NRM: variants seen among roughly 807,000 people sequenced by gnomAD.
NRM encodes the protein nuclear rim protein.
A neutral mutation model predicts 23.4 loss-of-function variants in NRM; 19 were observed. The ratio of observed to expected loss-of-function variants is 0.81; its 90% CI spans 0.57 to 1.19. NRM has a LOEUF of 1.19. Among genes scored for constraint, NRM ranks in the 50% most tolerant of loss-of-function variants. NRM has a pLI of 0.00. For missense variants in NRM, 232 were observed against 329.7 expected, an observed-to-expected ratio of 0.70 and a Z score of 2.30; for synonymous variants, 140 against 143.5, an observed-to-expected ratio of 0.98 and a Z score of 0.17.
chr6:30,689,251 A>G lies in NRM; in HGVS notation c.507+25T>C, dbSNP rs1452918170. On this transcript the variant is annotated intron_variant, in intron 3 of 3. Coordinates refer to ENST00000376421, the MANE Select transcript of NRM (RefSeq NM_001384369.1). This position sits in a 1 kb window ranked among gnomAD's most constrained non-coding sequence, Gnocchi z 4.7. ...GGAGTTCTAAAATGGGTCAGAGGTC[A>G]TAGGTAGGGATCTCGGAGCCTCACC... 6.5e-7 allele frequency: 1 copy of G among 1,547,160 alleles called. No homozygotes were observed.
rs1771315972 is a variant in NRM at position 30,689,265 on chromosome 6, C to T, written c.507+11G>A. On this transcript the variant is annotated intron_variant, in intron 3 of 3. Coordinates refer to ENST00000376421, the MANE Select transcript of NRM (RefSeq NM_001384369.1). This position sits in a 1 kb window ranked among gnomAD's most constrained non-coding sequence, Gnocchi z 4.7. ...GGTCAGAGGTCATAGGTAGGGATCTCGGAGCCTCACCTGTTTGAGGCCCAT... is the reference window on the plus strand; with the variant it reads ...GGTCAGAGGTCATAGGTAGGGATCTTGGAGCCTCACCTGTTTGAGGCCCAT... 17 of 1,550,852 alleles carry T rather than the reference C, an allele frequency of 1.1e-5. No individual in the cohort carries two copies. The highest frequency in any genetic ancestry group is 1.4e-5 in the Non-Finnish European group (16 of 1,146,466).
chr6:30,688,781 G>A lies in NRM; in HGVS notation c.669C>T (p.Leu223=). 1.9e-6 allele frequency: 3 copies of A among 1,613,792 alleles called. No homozygotes were observed. Among genetic ancestry groups the A allele is most frequent in the Non-Finnish European group, 2.5e-6 (3 of 1,179,964 alleles). ...GAGCCAGGCCCAGGTAGAGGGTAAG[G>A]AGGAAAGCAAGGAGGAGACGGTCCG... The part of the protein sequence containing the change: ...LGTDRLLLAF[L]LTLYLGLAHG... Residue 223 remains leucine (L), a synonymous_variant, in exon 4 of 4, where the codon CTC becomes CTT. Coordinates refer to ENST00000376421, the MANE Select transcript of NRM (RefSeq NM_001384369.1). This position sits in a 1 kb window ranked among gnomAD's most constrained non-coding sequence, Gnocchi z 5.9.
In NRM at chr6:30,690,364, C is replaced by T. The variant is rs1227741427; in HGVS notation, c.134-121G>A. On this transcript the variant is annotated intron_variant, in intron 1 of 3. Transcript: ENST00000376421. The surrounding 1 kb of genome is among the most constrained non-coding windows in gnomAD (Gnocchi z 5.5). The stretch of plus-strand genomic sequence containing the variant: ...CTTACTGCTTTCAAGAGCCTTAATG[C>T]TTCCTCTCTAGGCTGTGCCCATCTC... The T allele has an allele frequency of 1.9e-6, 2 of 1,074,622 alleles. No individual in the cohort carries two copies. Among genetic ancestry groups the T allele is most frequent in the Non-Finnish European group, 2.6e-6 (2 of 760,000 alleles). The allele number at this position is 1,074,622 out of a possible 1,614,324, so 66.6% of individuals were successfully genotyped here. A position where few individuals can be genotyped will look rare whatever the true frequency, so the allele number is the denominator to read the frequency against.
chr6:30,689,574 C>T lies in NRM; in HGVS notation c.331-122G>A, dbSNP rs1033084688. On this transcript the variant is annotated intron_variant, in intron 2 of 3. Coordinates refer to ENST00000376421, the MANE Select transcript of NRM (RefSeq NM_001384369.1). This position sits in a 1 kb window ranked among gnomAD's most constrained non-coding sequence, Gnocchi z 4.7. Reference sequence around the variant, plus strand: ...AACTCTCCCCCACCTCTCTCCTAAGCATCACCACCAAATATTCACCATGTG... The same window carrying T: ...AACTCTCCCCCACCTCTCTCCTAAGTATCACCACCAAATATTCACCATGTG... 41 of 974,686 alleles carry T rather than the reference C, an allele frequency of 4.2e-5. No individual in the cohort carries two copies. The highest frequency in any genetic ancestry group is 5.2e-5 in the Non-Finnish European group (35 of 671,018). The allele number at this position is 974,686 out of a possible 1,614,324, so 60.4% of individuals were successfully genotyped here.
rs141319358 is a variant in NRM at position 30,689,598 on chromosome 6, T to G, written c.331-146A>C. ...GCATCACCACCAAATATTCACCATG[T>G]GGAGGGTGCGTGCTGGGTGAGGTCC... is the stretch of plus-strand genomic sequence containing the variant. On this transcript the variant is annotated intron_variant, in intron 2 of 3. Transcript: ENST00000376421. This position sits in a 1 kb window ranked among gnomAD's most constrained non-coding sequence, Gnocchi z 4.7. 1 of 818,590 alleles carries G rather than the reference T, an allele frequency of 1.2e-6. No homozygotes were observed. Among genetic ancestry groups the G allele is most frequent in the Non-Finnish European group, 1.9e-6 (1 of 531,918 alleles). 50.7% of individuals were successfully genotyped at this position (818,590 alleles called of 1,614,324 possible). A position where few individuals can be genotyped will look rare whatever the true frequency, so the allele number is the denominator to read the frequency against.
Position 30,688,942 on chromosome 6 carries a change from C to G in NRM, c.508G>C (p.Val170Leu). Residue 170 changes from valine (V) to leucine (L), a missense_variant and splice_region_variant, in exon 4 of 4, where the codon GTA becomes CTA. Physicochemically the swap from Val to Leu is conservative, Grantham distance 32. Coordinates refer to ENST00000376421, the MANE Select transcript of NRM (RefSeq NM_001384369.1). The surrounding 1 kb of genome is among the most constrained non-coding windows in gnomAD (Gnocchi z 5.9). ...DYAELMGLKQVYYHVLGLGEP... is the reference protein window; with the variant it reads ...DYAELMGLKQLYYHVLGLGEP... Reference sequence around the variant, plus strand: ...CCCAGCCCCAGCACATGGTAGTATACCTAAGAGAGGGAGAAGAGCTTAGAA... The same window carrying G: ...CCCAGCCCCAGCACATGGTAGTATAGCTAAGAGAGGGAGAAGAGCTTAGAA... The G allele has an allele frequency of 2.5e-6, 4 of 1,609,364 alleles. No homozygotes were observed. The highest frequency in any genetic ancestry group is 3.4e-6 in the Non-Finnish European group (4 of 1,177,788).
chr6:30,691,180 C>T (rs1282616906), upstream of NRM: 3 of 550,846 alleles, frequency 5.4e-6, no homozygotes, highest in African/African-American at 3.8e-5. Context: ...GCTGTCTCTC[C>T]GTCACAGAAG....
Position 30,688,960 on chromosome 6 carries a change from G to C in NRM, c.508-18C>G. Reference sequence around the variant, plus strand: ...TAGTATACCTAAGAGAGGGAGAAGAGCTTAGAAATGGAGTCAAGCCCTTTT... The same window carrying C: ...TAGTATACCTAAGAGAGGGAGAAGACCTTAGAAATGGAGTCAAGCCCTTTT... On this transcript the variant is annotated intron_variant, in intron 3 of 3. Coordinates refer to ENST00000376421, the MANE Select transcript of NRM (RefSeq NM_001384369.1). The surrounding 1 kb of genome is among the most constrained non-coding windows in gnomAD (Gnocchi z 5.9). 2 of 1,602,054 alleles carry C rather than the reference G, an allele frequency of 1.2e-6. No homozygotes were observed. The highest frequency in any genetic ancestry group is 1.7e-6 in the Non-Finnish European group (2 of 1,173,700).
chr6:30,688,437 C>G lies in NRM; in HGVS notation c.*224G>C. 1.7e-6 allele frequency: 1 copy of G among 603,912 alleles called. No individual in the cohort carries two copies. Among genetic ancestry groups the G allele is most frequent in the African/African-American group, 1.9e-5 (1 of 53,878 alleles). 37.4% of individuals were successfully genotyped at this position (603,912 alleles called of 1,614,324 possible). ...GAAGGGACAGATGACTTCCATACCCCACTCTTCCTTGCTGGTGAGAAGTGG... is the reference window on the plus strand; with the variant it reads ...GAAGGGACAGATGACTTCCATACCCGACTCTTCCTTGCTGGTGAGAAGTGG... On this transcript the variant is annotated 3_prime_UTR_variant, in exon 4 of 4. Coordinates refer to ENST00000376421, the MANE Select transcript of NRM (RefSeq NM_001384369.1). The surrounding 1 kb of genome is among the most constrained non-coding windows in gnomAD (Gnocchi z 5.9).
Position 30,689,915 on chromosome 6 carries a change from T to G in NRM, c.330+132A>C. The stretch of plus-strand genomic sequence containing the variant: ...ATATGTGCTGTGGAGGAATGGAAGC[T>G]GAGATTAGTTCCTCAATTCTCCTCC... On this transcript the variant is annotated intron_variant, in intron 2 of 3. Transcript: ENST00000376421. The surrounding 1 kb of genome is among the most constrained non-coding windows in gnomAD (Gnocchi z 4.7). 5.6e-5 allele frequency: 44 copies of G among 791,550 alleles called. No individual in the cohort carries two copies. Among genetic ancestry groups the G allele is most frequent in the Non-Finnish European group, 7.6e-5 (38 of 499,738 alleles). The allele number at this position is 791,550 out of a possible 1,614,324, so 49.0% of individuals were successfully genotyped here.
Position 30,689,396 on chromosome 6 carries a change from C to A in NRM, c.387G>T (p.Arg129=). 6.4e-7 allele frequency: 1 copy of A among 1,569,172 alleles called. No homozygotes were observed. Among genetic ancestry groups the A allele is most frequent in the Non-Finnish European group, 8.6e-7 (1 of 1,157,188 alleles). Residue 129 remains arginine, a synonymous_variant, in exon 3 of 4, where the codon CGG becomes CGT. Transcript: ENST00000376421. The surrounding 1 kb of genome is among the most constrained non-coding windows in gnomAD (Gnocchi z 4.7). Reference sequence around the variant, plus strand: ...GCACCCAGGTGGCCCATGGCTCAGCCCGAGCCTCCCACAACACAGGGCCTT... The same window carrying A: ...GCACCCAGGTGGCCCATGGCTCAGCACGAGCCTCCCACAACACAGGGCCTT... The part of the protein sequence containing the change: ...IPKGPVLWEA[R]AEPWATWVPL...
Position 30,688,917 on chromosome 6 carries a change from C to T in NRM, c.533G>A (p.Gly178Asp). The T allele has an allele frequency of 6.2e-7, 1 of 1,613,136 alleles. No individual in the cohort carries two copies. Among genetic ancestry groups the T allele is most frequent in the Non-Finnish European group, 8.5e-7 (1 of 1,179,866 alleles). ...KQVYYHVLGLGEPLALKSPRA... is the reference protein window; with the variant it reads ...KQVYYHVLGLDEPLALKSPRA... ...GGGAGACTTCAGGGCCAGAGGCTCG[C>T]CCAGCCCCAGCACATGGTAGTATAC... Residue 178 changes from glycine to aspartate, a missense_variant, in exon 4 of 4, where the codon GGC becomes GAC. Coordinates refer to ENST00000376421, the MANE Select transcript of NRM (RefSeq NM_001384369.1). This position sits in a 1 kb window ranked among gnomAD's most constrained non-coding sequence, Gnocchi z 5.9.
rs757272646 is a variant in NRM, at chr6:30,688,786, A to C, written c.664T>G (p.Phe222Val). 1 of 1,613,658 alleles carries C rather than the reference A, an allele frequency of 6.2e-7. No individual in the cohort carries two copies. Among genetic ancestry groups the C allele is most frequent in the Non-Finnish European group, 8.5e-7 (1 of 1,179,960 alleles). The change falls in exon 4 of 4, where the codon TTC (phenylalanine) becomes GTC (valine). Residue 222 changes from phenylalanine to valine, a missense_variant. Coordinates refer to ENST00000376421, the MANE Select transcript of NRM (RefSeq NM_001384369.1). The surrounding 1 kb of genome is among the most constrained non-coding windows in gnomAD (Gnocchi z 5.9). Reference protein sequence around the residue: ...TLGTDRLLLAFLLTLYLGLAH... With the variant: ...TLGTDRLLLAVLLTLYLGLAH... ...AGGCCCAGGTAGAGGGTAAGGAGGA[A>C]AGCAAGGAGGAGACGGTCCGTGCCC...
chr6:30,688,795 G>A lies in NRM; in HGVS notation c.655C>T (p.Leu219Phe), dbSNP rs1771234954. 2 of 1,613,778 alleles carry A rather than the reference G, an allele frequency of 1.2e-6. No individual in the cohort carries two copies. The highest frequency in any genetic ancestry group is 1.7e-6 in the Non-Finnish European group (2 of 1,180,008). ...VVPTLGTDRLLLAFLLTLYLG... is the reference protein window; with the variant it reads ...VVPTLGTDRLFLAFLLTLYLG... ...TAGAGGGTAAGGAGGAAAGCAAGGA[G>A]GAGACGGTCCGTGCCCAGGGTAGGC... The change falls in exon 4 of 4, where the codon CTC becomes TTC. Residue 219 changes from leucine (L) to phenylalanine (F), a missense_variant. Leu to Phe is a conservative substitution (Grantham distance 22). Coordinates refer to ENST00000376421, the MANE Select transcript of NRM (RefSeq NM_001384369.1). The surrounding 1 kb of genome is among the most constrained non-coding windows in gnomAD (Gnocchi z 5.9).
chr6:30,688,570 G>A lies in NRM; in HGVS notation c.*91C>T. ...CATCTCCTTCAGTCCATGGATTTGG[G>A]CCTCTGGCATGAAGCAGCCAGGGCC... On this transcript the variant is annotated 3_prime_UTR_variant, in exon 4 of 4. Transcript: ENST00000376421. This position sits in a 1 kb window ranked among gnomAD's most constrained non-coding sequence, Gnocchi z 5.9. The A allele has an allele frequency of 7.0e-7, 1 of 1,436,058 alleles. No individual in the cohort carries two copies. Among genetic ancestry groups the A allele is most frequent in the Non-Finnish European group, 9.5e-7 (1 of 1,048,340 alleles). The allele number at this position is 1,436,058 out of a possible 1,614,324, so 89.0% of individuals were successfully genotyped here.
At position 30,689,009 on chromosome 6, in the gene NRM, C is replaced by T. The variant is rs935828252; in HGVS notation, c.508-67G>A. 5 of 1,500,440 alleles carry T rather than the reference C, an allele frequency of 3.3e-6. No homozygotes were observed. Among genetic ancestry groups the T allele is most frequent in the Non-Finnish European group, 4.5e-6 (5 of 1,116,530 alleles). The allele number at this position is 1,500,440 out of a possible 1,614,324, so 92.9% of individuals were successfully genotyped here. A position where few individuals can be genotyped will look rare whatever the true frequency, so the allele number is the denominator to read the frequency against. ...TTCTCATCTTGGGCACTTCTTTCCT[C>T]CTCTTCCAGGCACCACCCTTCTAGA... On this transcript the variant is annotated intron_variant, in intron 3 of 3. Coordinates refer to ENST00000376421, the MANE Select transcript of NRM (RefSeq NM_001384369.1). The surrounding 1 kb of genome is among the most constrained non-coding windows in gnomAD (Gnocchi z 4.7).
Position 30,690,799 on chromosome 6 carries a change from C to T in NRM, c.133+43G>A. 6.2e-7 allele frequency: 1 copy of T among 1,612,808 alleles called. No individual in the cohort carries two copies. Among genetic ancestry groups the T allele is most frequent in the Non-Finnish European group, 8.5e-7 (1 of 1,179,852 alleles). ...CGCCCTCAATCCCTCTCCTACGGCTCCACCTTCCTCCTCCCAGTTCATCCT... is the reference window on the plus strand; with the variant it reads ...CGCCCTCAATCCCTCTCCTACGGCTTCACCTTCCTCCTCCCAGTTCATCCT... On this transcript the variant is annotated intron_variant, in intron 1 of 3. Transcript: ENST00000376421. The surrounding 1 kb of genome is among the most constrained non-coding windows in gnomAD (Gnocchi z 5.5).
chr6:30,688,636 A>G lies in NRM; in HGVS notation c.*25T>C. The G allele has an allele frequency of 1.2e-6, 2 of 1,604,818 alleles. No individual in the cohort carries two copies. The highest frequency in any genetic ancestry group is 1.7e-6 in the Non-Finnish European group (2 of 1,174,472). ...TAGAATTCAGTGGGAGAGGAAGAAC[A>G]GGGCTTGTAACCAGAGTGAGCTCCT... On this transcript the variant is annotated 3_prime_UTR_variant, in exon 4 of 4. Coordinates refer to ENST00000376421, the MANE Select transcript of NRM (RefSeq NM_001384369.1). This position sits in a 1 kb window ranked among gnomAD's most constrained non-coding sequence, Gnocchi z 5.9.
chr6:30,689,057 T>C lies in NRM; in HGVS notation c.508-115A>G. Reference sequence around the variant, plus strand: ...AGAACTCAGGCCCAGGAACCCCCCTTCTGAGACTTGGATCCCTGATCCTGA... The same window carrying C: ...AGAACTCAGGCCCAGGAACCCCCCTCCTGAGACTTGGATCCCTGATCCTGA... On this transcript the variant is annotated intron_variant, in intron 3 of 3. Transcript: ENST00000376421. This position sits in a 1 kb window ranked among gnomAD's most constrained non-coding sequence, Gnocchi z 4.7. 2 of 1,236,246 alleles carry C rather than the reference T, an allele frequency of 1.6e-6. No individual in the cohort carries two copies. The highest frequency in any genetic ancestry group is 2.2e-6 in the Non-Finnish European group (2 of 908,128). The allele number at this position is 1,236,246 out of a possible 1,614,324, so 76.6% of individuals were successfully genotyped here.
Sources: allele counts gnomAD v4.1 joint callset, GRCh38; gene constraint gnomAD v4.1.1; non-coding constraint Gnocchi (gnomAD v3.1); transcripts MANE v1.5; gene names NCBI Gene and HGNC (gene_info 2026-07-23, HGNC 2026-07-21).